Variants in PCOLCE2 observed in about 807,000 individuals in gnomAD.
The protein encoded by PCOLCE2 is procollagen C-endopeptidase enhancer 2, also known as procollagen C-proteinase enhancer 2.
Under a neutral mutation model 47.0 loss-of-function variants are expected in PCOLCE2, and 42 were observed. The observed-to-expected ratio is 0.89, with a 90% CI of 0.70 to 1.16. The LOEUF is 1.16. Among genes scored for constraint, PCOLCE2 ranks in the 50% most tolerant of loss-of-function variants. The pLI is 0.00. For missense variants in PCOLCE2, 500 were observed against 526.1 expected (o/e 0.95, Z 0.49); for synonymous variants, 169 against 191.7 (o/e 0.88, Z 0.98).
At chr3:142,847,416 TGG>T (rs1352469644) in intron 3 of PCOLCE2, among the ~76,000 whole-genome samples, 2 of 152,240 alleles carry the variant, frequency 1.3e-5, no homozygotes, top group African/African-American at 4.8e-5. Flanking sequence ...AAGCAGATTA[TGG>T]ACTGCTCTTG....
intron 1 of PCOLCE2, among the ~76,000 whole-genome samples, chr3:142,888,470 A>C (rs1377287027): frequency 6.6e-6 from 1 of 152,302 alleles, no homozygotes; most frequent in Middle Eastern, 3.4e-3. Flanking sequence ...GTAAACCAAA[A>C]TCCACATATT....
intron 2 of PCOLCE2, among the ~76,000 whole-genome samples, chr3:142,857,793 G>T (rs1276603240): frequency 6.6e-6 from 1 of 152,138 alleles, no homozygotes; most frequent in Non-Finnish European, 1.5e-5. Flanking sequence ...AGGAATAAAA[G>T]AATGAAAGAA....
At position 142,820,352 on chromosome 3, in the gene PCOLCE2, A is replaced by G. The variant is rs1485814434; in HGVS notation, c.1117+526T>C. 3.9e-5 allele frequency among the ~76,000 whole-genome samples: 6 copies of G among 152,196 alleles called. No homozygotes were observed. The East Asian group carries it at 7.7e-4, about 20-fold the overall frequency. On this transcript the variant is annotated intron_variant, in intron 8 of 8. Transcript: ENST00000295992. ...AAACCATGAAACATATGTTACTTTT[A>G]TAAGTTGTTAAATACATATTCTTAA...
intron 3 of PCOLCE2, among the ~76,000 whole-genome samples, chr3:142,846,906 T>C (rs1290058300): frequency 6.6e-6 from 1 of 152,240 alleles, no homozygotes. Context: ...AAACATGTAA[T>C]AGCAGCTTTA....
Position 142,821,008 on chromosome 3 carries a change from A to G in PCOLCE2, c.987T>C (p.Asp329=). ...AGTVITTITR[D]GSLHATVSII... Reference sequence around the variant, plus strand: ...TCGAGACTGTGGCGTGCAAACTCCCATCGCGAGTGATGGTTGTGATAACAG... The same window carrying G: ...TCGAGACTGTGGCGTGCAAACTCCCGTCGCGAGTGATGGTTGTGATAACAG... Residue 329 remains aspartate, a synonymous_variant, in exon 8 of 9, where the codon GAT becomes GAC. Transcript: ENST00000295992. The G allele has an allele frequency of 6.2e-7, 1 of 1,612,668 alleles. No individual in the cohort carries two copies. Among genetic ancestry groups the G allele is most frequent in the Non-Finnish European group, 8.5e-7 (1 of 1,178,756 alleles).
Position 142,818,477 on chromosome 3 carries a change from G to A in PCOLCE2, c.1118-12C>T. ...AATGTAATTTAGACCTAAAGAAAGA[G>A]AATACAGAAATTAATCTTTTTCTCT... On this transcript the variant is annotated splice_polypyrimidine_tract_variant and intron_variant, in intron 8 of 8. Transcript: ENST00000295992. 1 of 1,602,008 alleles carries A rather than the reference G, an allele frequency of 6.2e-7. No individual in the cohort carries two copies. The highest frequency in any genetic ancestry group is 8.6e-7 in the Non-Finnish European group (1 of 1,169,236).
At chr3:142,870,971 A>C (rs1376750665) in intron 2 of PCOLCE2, among the ~76,000 whole-genome samples, 1 of 152,178 alleles carries the variant, frequency 6.6e-6, no homozygotes, top group Non-Finnish European at 1.5e-5. Context: ...TTGGAACAGC[A>C]ATCTGCTGTG....
intron 5 of PCOLCE2, among the ~76,000 whole-genome samples, chr3:142,830,885 C>T (rs1159159034): frequency 6.6e-6 from 1 of 152,222 alleles, no homozygotes; most frequent in Non-Finnish European, 1.5e-5. Flanking sequence ...CAGCCAATCA[C>T]TTCTTACACA....
At chr3:142,843,242 T>C in intron 3 of PCOLCE2, 194 bp from the exon 4 acceptor site, 1 of 666,162 alleles carries the variant, frequency 1.5e-6, no homozygotes, top group East Asian at 3.0e-5. Context: ...TGATCTTTGT[T>C]ACCTGACATA....
At chr3:142,822,177 A>G (rs755646268) in intron 7 of PCOLCE2, among the ~76,000 whole-genome samples, 2 of 152,090 alleles carry the variant, frequency 1.3e-5, no homozygotes, top group Non-Finnish European at 2.9e-5. Context: ...TCGGCCTCCA[A>G]AGTACTGGGA....
chr3:142,854,085 C>T (rs1044310723), intron 2 of PCOLCE2, among the ~76,000 whole-genome samples: 3 of 152,174 alleles, frequency 2.0e-5, no homozygotes, highest in Non-Finnish European at 4.4e-5. Context: ...AAACAGGAGG[C>T]CAGCTTCTTC....
intron 6 of PCOLCE2, chr3:142,827,415 A>G (rs1014805609): frequency 3.2e-5 from 50 of 1,568,184 alleles, no homozygotes; most frequent in African/African-American, 4.1e-5. Flanking sequence ...TTGGAGCCAG[A>G]GGGCAGCTTC....
intron 2 of PCOLCE2, among the ~76,000 whole-genome samples, chr3:142,882,589 A>ATTATTATTTTTTTTTTTTTTTTTTTTTTT (rs1188049251): frequency 6.6e-6 from 1 of 151,640 alleles, no homozygotes; most frequent in African/African-American, 2.4e-5. Context: ...TTATTATTAT[A>ATTATTATTTTTTTTTTTTTTTTTTTTTTT]CTTTAGAGAA....
intron 5 of PCOLCE2, among the ~76,000 whole-genome samples, chr3:142,832,184 A>C (rs1937158667): frequency 6.6e-6 from 1 of 152,034 alleles, no homozygotes; most frequent in Admixed American, 6.6e-5. Context: ...GTATTTCTTG[A>C]TCCACACCCT....
At chr3:142,885,765 A>C (rs146690629) in intron 2 of PCOLCE2, among the ~76,000 whole-genome samples, 15 of 152,278 alleles carry the variant, frequency 9.9e-5, no homozygotes, top group Non-Finnish European at 1.9e-4. Context: ...CCACGCAGAC[A>C]CCAGATAAGC....
intron 2 of PCOLCE2, among the ~76,000 whole-genome samples, chr3:142,880,593 C>T (rs9809724): frequency 0.15 from 22,680 of 152,180 alleles, 1,746 homozygotes; most frequent in Non-Finnish European, 0.16. Context: ...TAAAAGTTAT[C>T]GGGAAGACAT....
At chr3:142,882,993 G>T (rs1369159232) in intron 2 of PCOLCE2, among the ~76,000 whole-genome samples, 2 of 151,902 alleles carry the variant, frequency 1.3e-5, no homozygotes, top group Admixed American at 1.3e-4. Flanking sequence ...GAGGTCAGGA[G>T]ATCGAGACCA....
intron 2 of PCOLCE2, among the ~76,000 whole-genome samples, chr3:142,886,236 GT>G (rs1933716082): frequency 6.6e-6 from 1 of 152,118 alleles, no homozygotes; most frequent in Non-Finnish European, 1.5e-5. Context: ...CCCAACCCCA[GT>G]CAAAGTGTAA....
At chr3:142,875,087 A>G (rs971298939) in intron 2 of PCOLCE2, among the ~76,000 whole-genome samples, 13 of 152,222 alleles carry the variant, frequency 8.5e-5, no homozygotes, top group Non-Finnish European at 1.9e-4. Flanking sequence ...TATGGGGCAT[A>G]AAATAAGTTC....
Sources: gnomAD v4.1 joint callset for allele counts (sites outside exome capture counted in the v4.1 genomes callset) on GRCh38, gnomAD v4.1.1 for gene constraint, MANE v1.5 for transcripts, NCBI Gene and HGNC (gene_info 2026-07-23, HGNC 2026-07-21) for gene names.